Variants in MCM8 observed in about 807,000 individuals in gnomAD.
The protein encoded by MCM8 is minichromosome maintenance 8 homologous recombination repair factor, also known as DNA helicase MCM8.
MCM8 carries 85 observed loss-of-function variants against 98.9 expected under a neutral mutation model. The observed-to-expected ratio is 0.86, with a 90% CI of 0.72 to 1.03. The LOEUF is 1.03. Ranked by LOEUF, MCM8 falls within the 50% of genes least tolerant of loss-of-function variation. The pLI is 0.00. For synonymous variants in MCM8, 352 were observed against 338.6 expected (o/e 1.04, Z -0.44); for missense variants, 951 against 997.8 (o/e 0.95, Z 0.63).
At chr20:5,967,053 G>A (rs529471897) in intron 8 of MCM8, among the ~76,000 whole-genome samples, 3 of 152,288 alleles carry the variant, frequency 2.0e-5, no homozygotes, top group South Asian at 4.1e-4. Context: ...TGCTAAGAAC[G>A]TTGGGTCCCA....
chr20:5,996,808 T>G lies in MCM8; in HGVS notation c.*2417T>G, dbSNP rs1233022493. On this transcript the variant is annotated 3_prime_UTR_variant, in exon 19 of 19. Transcript: ENST00000610722. The stretch of plus-strand genomic sequence containing the variant: ...AGGGCCAAACTAACAACAAAAGTTG[T>G]TTAGCTTTCCCTTACAATCCAGCTT... 1 of 152,254 alleles carries G rather than the reference T, an allele frequency of 6.6e-6. No individual in the cohort carries two copies. The highest frequency in any genetic ancestry group is 1.9e-4 in the East Asian group (1 of 5,200). The allele number at this position is 152,254 out of a possible 1,614,324, so 9.4% of individuals were successfully genotyped here.
chr20:5,963,757 T>C (rs988024886), intron 8 of MCM8, among the ~76,000 whole-genome samples: 1 of 152,100 alleles, frequency 6.6e-6, no homozygotes, highest in Non-Finnish European at 1.5e-5. Context: ...AGGATGGTCT[T>C]GATTTCCTGA....
At chr20:5,990,136 G>A (rs902206291) in intron 17 of MCM8, among the ~76,000 whole-genome samples, 2 of 151,508 alleles carry the variant, frequency 1.3e-5, no homozygotes, top group African/African-American at 2.4e-5. Flanking sequence ...GTACAGTGGC[G>A]TGATCTCAGT....
chr20:5,984,966 T>C lies in MCM8; in HGVS notation c.1919T>C (p.Val640Ala), dbSNP rs778957166. 1 of 1,614,028 alleles carries C rather than the reference T, an allele frequency of 6.2e-7. No homozygotes were observed. Among genetic ancestry groups the C allele is most frequent in the Non-Finnish European group, 8.5e-7 (1 of 1,179,930 alleles). Residue 640 changes from valine to alanine, a missense_variant, in exon 15 of 19, where the codon GTA (valine) becomes GCA (alanine). Coordinates refer to ENST00000610722, the MANE Select transcript of MCM8 (RefSeq NM_032485.6). ...GATTCAAATACTTCCGTACTTGAAG[T>C]AGTTTCTGAGAAGCCATTATCAGAA... ...SQDSNTSVLEVVSEKPLSERL... is the reference protein window; with the variant it reads ...SQDSNTSVLEAVSEKPLSERL...
In MCM8 at chr20:5,967,063, A is replaced by G. The variant is rs28403617; in HGVS notation, c.876-373A>G. 1.6e-4 allele frequency among the ~76,000 whole-genome samples: 25 copies of G among 152,278 alleles called. No homozygotes were observed. The East Asian group carries it at 4.6e-3, about 28-fold the overall frequency. On this transcript the variant is annotated intron_variant, in intron 8 of 18. Transcript: ENST00000610722. Reference sequence around the variant, plus strand: ...GGCTCTGCTAAGAACGTTGGGTCCCACTTTGCTTGTACGCTTATAGCTTTT... The same window carrying G: ...GGCTCTGCTAAGAACGTTGGGTCCCGCTTTGCTTGTACGCTTATAGCTTTT...
At chr20:5,971,946 G>T (rs1489824573) in intron 10 of MCM8, 61 bp from the exon 11 acceptor site, 1 of 1,431,720 alleles carries the variant, frequency 7.0e-7, no homozygotes, top group African/African-American at 1.4e-5. Flanking sequence ...TTGTAGAGGA[G>T]ATCTCCTAAT....
chr20:5,952,385 C>T (rs1187435272), intron 2 of MCM8, 39 bp from the exon 3 acceptor site: 1 of 1,597,560 alleles, frequency 6.3e-7, no homozygotes, highest in Non-Finnish European at 8.6e-7. Context: ...GAAAAATGTT[C>T]ACTCTGTTTC....
At position 5,968,016 on chromosome 20, in the gene MCM8, T is replaced by A; in HGVS notation, c.1214T>A (p.Leu405His). 2 of 1,608,342 alleles carry A rather than the reference T, an allele frequency of 1.2e-6. No individual in the cohort carries two copies. The highest frequency in any genetic ancestry group is 1.7e-6 in the Non-Finnish European group (2 of 1,177,854). The change falls in exon 10 of 19, where the codon CTC becomes CAC. Residue 405 changes from leucine to histidine, a missense_variant. By Grantham distance (99) the Leu-to-His change is moderately conservative (BLOSUM62 -3). Coordinates refer to ENST00000610722, the MANE Select transcript of MCM8 (RefSeq NM_032485.6). Reference protein sequence around the residue: ...EIQAEENLFKLIVNSLCPVIF... With the variant: ...EIQAEENLFKHIVNSLCPVIF... The stretch of plus-strand genomic sequence containing the variant: ...CAAGCTGAAGAAAACCTGTTTAAAC[T>A]CATTGTCAAGTATGTATGCTGTCAT...
intron 15 of MCM8, among the ~76,000 whole-genome samples, 164 bp downstream of exon 15, chr20:5,985,164 G>A (rs1201825107): frequency 2.0e-5 from 3 of 151,992 alleles, no homozygotes; most frequent in South Asian, 2.1e-4. Flanking sequence ...AATCCAAGTC[G>A]GCCTGGCGTG....
intron 7 of MCM8, among the ~76,000 whole-genome samples, chr20:5,961,275 A>T (rs184335044): frequency 3.3e-5 from 5 of 152,328 alleles, no homozygotes; most frequent in Non-Finnish European, 2.9e-5. Context: ...ACCATTTATT[A>T]ATTAAGCCCT....
At chr20:5,951,623 G>C (rs921591656) in intron 1 of MCM8, among the ~76,000 whole-genome samples, 1 of 152,156 alleles carries the variant, frequency 6.6e-6, no homozygotes, top group Admixed American at 6.5e-5. Flanking sequence ...CCAGAATTAT[G>C]TTCATCCTGT....
At chr20:5,969,181 T>C (rs2089344811) in intron 10 of MCM8, among the ~76,000 whole-genome samples, 1 of 152,218 alleles carries the variant, frequency 6.6e-6, no homozygotes, top group Non-Finnish European at 1.5e-5. Context: ...CTTTTGATAA[T>C]TTTTTGACAA....
intron 12 of MCM8, among the ~76,000 whole-genome samples, chr20:5,973,745 C>T (rs2089452863): frequency 6.6e-6 from 1 of 152,154 alleles, no homozygotes; most frequent in South Asian, 2.1e-4. Context: ...ACCTCTGCCT[C>T]CCACTTTTAA....
At chr20:5,982,865 T>C (rs2122793905) in intron 13 of MCM8, 105 bp from the exon 14 acceptor site, 2 of 967,910 alleles carry the variant, frequency 2.1e-6, no homozygotes, top group South Asian at 1.6e-5. Flanking sequence ...TTTTAACTGC[T>C]GAAACAAATG....
chr20:5,971,473 G>T (rs1462617937), intron 10 of MCM8, among the ~76,000 whole-genome samples: 1 of 152,172 alleles, frequency 6.6e-6, no homozygotes, highest in Non-Finnish European at 1.5e-5. Flanking sequence ...CCCATGCTTT[G>T]AGTTATCCCA....
chr20:5,993,087 G>T (rs1233992556), intron 17 of MCM8, among the ~76,000 whole-genome samples: 1 of 152,078 alleles, frequency 6.6e-6, no homozygotes, highest in East Asian at 1.9e-4. Flanking sequence ...TTCATTCCTA[G>T]AGTATTTTAA....
At chr20:5,982,917 G>A in intron 13 of MCM8, 53 bp from the exon 14 acceptor site, 1 of 1,483,190 alleles carries the variant, frequency 6.7e-7, no homozygotes, top group Non-Finnish European at 9.2e-7. Flanking sequence ...ATAAAATTTG[G>A]AACTTGACCA....
chr20:5,969,334 G>A (rs1026236231), intron 10 of MCM8, among the ~76,000 whole-genome samples: 2 of 152,164 alleles, frequency 1.3e-5, no homozygotes, highest in Non-Finnish European at 2.9e-5. Flanking sequence ...GCTCAAGCCC[G>A]TAATCCCAGC....
chr20:5,956,701 A>G (rs79859840), intron 5 of MCM8, among the ~76,000 whole-genome samples: 3,661 of 152,188 alleles, frequency 0.024, 127 homozygotes, highest in African/African-American at 0.077. Flanking sequence ...GCGTGTTTAT[A>G]TTATTTAATG....
Sources: gnomAD v4.1 joint callset for allele counts (sites outside exome capture counted in the v4.1 genomes callset) on GRCh38, gnomAD v4.1.1 for gene constraint, MANE v1.5 for transcripts, NCBI Gene and HGNC (gene_info 2026-07-23, HGNC 2026-07-21) for gene names.